The following UTS2 variants were observed in gnomAD, a reference collection of about 807,000 sequenced individuals.
UTS2 encodes urotensin 2, also known as urotensin-2.
In UTS2, 10 loss-of-function variants were observed where a neutral mutation model predicts 12.6. That is an observed-to-expected ratio of 0.80 (90% CI 0.49 to 1.35). The LOEUF (loss-of-function observed/expected upper bound fraction) is 1.35, where lower values mean the gene tolerates loss of function less well. Among genes scored for constraint, UTS2 ranks in the 40% most tolerant of loss-of-function variants. UTS2 has a pLI of 0.00. For missense variants in UTS2, 142 were observed against 143.2 expected (o/e 0.99, Z 0.04); for synonymous variants, 52 against 50.0 (o/e 1.04, Z -0.17).
chr1:7,851,477 G>T (rs2097414078), intron 1 of UTS2, among the ~76,000 whole-genome samples: 1 of 152,154 alleles, frequency 6.6e-6, no homozygotes, highest in South Asian at 2.1e-4. Context: ...GTGAAATGTG[G>T]TCGACCAGAT....
chr1:7,857,290 T>A (rs1271914196), upstream of UTS2, among the ~76,000 whole-genome samples: 2 of 152,092 alleles, frequency 1.3e-5, no homozygotes, highest in African/African-American at 4.8e-5. Flanking sequence ...CTCTCCCTAC[T>A]CACCCTTGCT....
At chr1:7,907,033 C>G in the UTS2 span, among the ~76,000 whole-genome samples, 2 of 150,098 alleles carry the variant, frequency 1.3e-5, no homozygotes, top group African/African-American at 4.9e-5. Context: ...GGAGGATCAC[C>G]TGAGGTTGGG....
chr1:7,891,134 C>A, the UTS2 span, among the ~76,000 whole-genome samples: 1 of 151,996 alleles, frequency 6.6e-6, no homozygotes, highest in Non-Finnish European at 1.5e-5. Context: ...TGAAAGAAAC[C>A]AGAAAAAGAA....
chr1:7,909,437 A>T, the UTS2 span, among the ~76,000 whole-genome samples: 1 of 151,128 alleles, frequency 6.6e-6, no homozygotes, highest in African/African-American at 2.4e-5. Context: ...CCAGCTACTC[A>T]GGAGGCTGAG....
the UTS2 span, among the ~76,000 whole-genome samples, chr1:7,895,613 G>T: frequency 6.6e-6 from 1 of 152,162 alleles, no homozygotes; most frequent in Admixed American, 6.5e-5. Context: ...CATCTGACGT[G>T]ATGGAAACTG....
chr1:7,902,890 G>A, the UTS2 span, among the ~76,000 whole-genome samples: 2 of 152,114 alleles, frequency 1.3e-5, no homozygotes, highest in Non-Finnish European at 2.9e-5. Context: ...CGCGCTCAGA[G>A]CCTTCCCTTT....
the UTS2 span, among the ~76,000 whole-genome samples, chr1:7,905,461 G>T: frequency 0.058 from 8,807 of 151,208 alleles, 848 homozygotes; most frequent in African/African-American, 0.2. Flanking sequence ...CATGTATTAG[G>T]TTGGTGCAAA....
At chr1:7,883,304 C>G in the UTS2 span, among the ~76,000 whole-genome samples, 1 of 152,174 alleles carries the variant, frequency 6.6e-6, no homozygotes, top group African/African-American at 2.4e-5. Context: ...ATTACATGTT[C>G]TGACTCATAT....
the UTS2 span, among the ~76,000 whole-genome samples, chr1:7,865,470 C>T: frequency 2.3e-5 from 2 of 85,122 alleles, no homozygotes; most frequent in South Asian, 1.5e-3. Context: ...CCTCCCACAG[C>T]GGTCCCTCTG....
At chr1:7,910,835 C>G in the UTS2 span, among the ~76,000 whole-genome samples, 1 of 152,204 alleles carries the variant, frequency 6.6e-6, no homozygotes, top group African/African-American at 2.4e-5. Context: ...CTCCTGGGCT[C>G]AAGTGATCCT....
the UTS2 span, among the ~76,000 whole-genome samples, chr1:7,892,083 C>T: frequency 6.6e-6 from 1 of 152,200 alleles, no homozygotes; most frequent in Non-Finnish European, 1.5e-5. Flanking sequence ...CCTACCTTGC[C>T]CTGCAGTAGC....
At chr1:7,893,065 G>A in the UTS2 span, among the ~76,000 whole-genome samples, 27 of 152,278 alleles carry the variant, frequency 1.8e-4, no homozygotes, top group Middle Eastern at 3.4e-3. Context: ...CGTAGCACAA[G>A]GAGCTTAGTA....
chr1:7,859,779 C>G, the UTS2 span, among the ~76,000 whole-genome samples: 22,083 of 152,140 alleles, frequency 0.15, 1,884 homozygotes, highest in Non-Finnish European at 0.18. Context: ...AGGCAGATCA[C>G]TTGAGCCCAG....
At chr1:7,857,107 T>TGAAGGAATGAAGGAAGGAAGGAAG (rs1638328592), upstream of UTS2, among the ~76,000 whole-genome samples, 4 of 125,284 alleles carry the variant, frequency 3.2e-5, no homozygotes, top group African/African-American at 1.3e-4. Flanking sequence ...AGAAAAGGAA[T>TGAAGGAATGAAGGAAGGAAGGAAG]GAAGGAAGGA....
the UTS2 span, among the ~76,000 whole-genome samples, chr1:7,897,736 G>A: frequency 8.2e-4 from 124 of 152,082 alleles, no homozygotes; most frequent in South Asian, 4.0e-3. Flanking sequence ...ACAGGCACCC[G>A]CCACCACGCC....
chr1:7,848,564 G>A (rs1315574214), intron 3 of UTS2, among the ~76,000 whole-genome samples: 4 of 151,822 alleles, frequency 2.6e-5, no homozygotes, highest in Non-Finnish European at 4.4e-5. Flanking sequence ...TCTGTTCCCC[G>A]GGCTGGAGTG....
chr1:7,906,479 G>GAAAGAA, the UTS2 span, among the ~76,000 whole-genome samples: 6 of 124,976 alleles, frequency 4.8e-5, no homozygotes, highest in South Asian at 2.9e-4. Context: ...AAGAAAGAAA[G>GAAAGAA]AAAGAAAGAA....
intron 3 of UTS2, 78 bp from the exon 4 acceptor site, chr1:7,847,960 A>G (rs1278052761): frequency 2.9e-6 from 3 of 1,022,098 alleles, no homozygotes; most frequent in African/African-American, 1.6e-5. Context: ...TATAAGAAAA[A>G]GGAATCTTGA....
chr1:7,889,877 T>C, the UTS2 span, among the ~76,000 whole-genome samples: 17 of 152,004 alleles, frequency 1.1e-4, no homozygotes, highest in Non-Finnish European at 4.4e-5. Context: ...CCTCCCTGGC[T>C]AACACAGTGA....
Sources: gnomAD v4.1 joint callset for allele counts (sites outside exome capture counted in the v4.1 genomes callset) on GRCh38, gnomAD v4.1.1 for gene constraint, MANE v1.5 for transcripts, NCBI Gene and HGNC (gene_info 2026-07-23, HGNC 2026-07-21) for gene names.